CDK2: variants seen among roughly 807,000 people sequenced by gnomAD.
CDK2 encodes the protein cyclin-dependent kinase 2.
CDK2 carries 8 observed loss-of-function variants against 35.0 expected under a neutral mutation model. That is an observed-to-expected ratio of 0.23 (90% CI 0.13 to 0.41). The LOEUF is 0.41. Among genes scored for constraint, CDK2 ranks in the 10% least tolerant of loss-of-function variants. The probability of loss-of-function intolerance (pLI) is 1.00; values close to 1 mark genes in which losing one functional copy is unlikely to be tolerated. For synonymous variants in CDK2, 134 were observed against 137.7 expected (o/e 0.97, Z 0.19); for missense variants, 201 against 367.1 (o/e 0.55, Z 3.70).
At position 55,968,056 on chromosome 12, in the gene CDK2, G is replaced by T; in HGVS notation, c.202G>T (p.Asp68Tyr). 1 of 1,614,052 alleles carries T rather than the reference G, an allele frequency of 6.2e-7. No individual in the cohort carries two copies. The highest frequency in any genetic ancestry group is 8.5e-7 in the Non-Finnish European group (1 of 1,180,018). Residue 68 changes from aspartate (D) to tyrosine (Y), a missense_variant, in exon 3 of 7, where the codon GAT (aspartate) becomes TAT (tyrosine). Physicochemically the swap from Asp to Tyr is radical, Grantham distance 160 (BLOSUM62 -3). Coordinates refer to ENST00000266970, the MANE Select transcript of CDK2 (RefSeq NM_001798.5). The stretch of plus-strand genomic sequence containing the variant: ...CAAACTTTCCTTCTCTAGGCTGCTG[G>T]ATGTCATTCACACAGAAAATAAACT... ...LNHPNIVKLL[D>Y]VIHTENKLYL...
At chr12:55,968,725 C>G (rs976800013) in intron 3 of CDK2, 53 bp from the exon 4 acceptor site, 7 of 1,407,224 alleles carry the variant, frequency 5.0e-6, no homozygotes, top group South Asian at 2.9e-5. Flanking sequence ...CAGAGCAAAC[C>G]CAGTCTGCTC....
intron 6 of CDK2, 121 bp from the exon 7 acceptor site, chr12:55,971,400 G>A: frequency 9.2e-7 from 1 of 1,086,026 alleles, no homozygotes; most frequent in Non-Finnish European, 1.4e-6. Context: ...GCTATGGGAG[G>A]ATGGAAGTGA....
At chr12:55,968,568 C>T (rs2069402) in intron 3 of CDK2, among the ~76,000 whole-genome samples, 73 of 152,170 alleles carry the variant, frequency 4.8e-4, no homozygotes, top group African/African-American at 1.6e-3. Context: ...AACATTTTTT[C>T]AATGCACAGG....
chr12:55,967,603 A>G (rs1889361708), intron 1 of CDK2: 1 of 532,620 alleles, frequency 1.9e-6, no homozygotes, highest in Non-Finnish European at 3.4e-6. Context: ...CCCCTCCATT[A>G]CAGTCTCCCT....
chr12:55,970,662 GTC>G (rs1419063734), intron 5 of CDK2: 4 of 702,388 alleles, frequency 5.7e-6, no homozygotes, highest in Admixed American at 2.0e-5. Flanking sequence ...GGAAGACAGA[GTC>G]TCTGCCCGCT....
At chr12:55,970,672 G>A (rs1274023903) in intron 5 of CDK2, 10 of 702,328 alleles carry the variant, frequency 1.4e-5, no homozygotes, top group Middle Eastern at 2.3e-4. Flanking sequence ...GTCTCTGCCC[G>A]CTGTGCTCGT....
In CDK2 at chr12:55,971,563, G is replaced by A. The variant is rs1565782261; in HGVS notation, c.835G>A (p.Ala279Thr). Residue 279 changes from alanine to threonine, a missense_variant, in exon 7 of 7, where the codon GCA becomes ACA. Around this residue, in one of 5 missense-constraint regions of CDK2, gnomAD observed 106 missense variants for 141.3 expected, o/e 0.75. Transcript: ENST00000266970. ...YDPNKRISAK[A>T]ALAHPFFQDV... ...CCCTAACAAGCGGATTTCGGCCAAG[G>A]CAGCCCTGGCTCACCCTTTCTTCCA... is the stretch of plus-strand genomic sequence containing the variant. 1.9e-6 allele frequency: 3 copies of A among 1,614,020 alleles called. No homozygotes were observed. The highest frequency in any genetic ancestry group is 1.1e-5 in the South Asian group (1 of 91,086).
At position 55,971,095 on chromosome 12, in the gene CDK2, C is replaced by T. The variant is rs1889461111; in HGVS notation, c.640C>T (p.Arg214Trp). ...PGDSEIDQLF[R>W]IFRTLGTPDE... ...AGATTCTGAGATTGACCAGCTCTTC[C>T]GGATCTTTCGGACTCTGGGGACCCC... The change falls in exon 6 of 7, where the codon CGG becomes TGG. Residue 214 changes from arginine to tryptophan, a missense_variant. By Grantham distance (101) the Arg-to-Trp change is moderately radical. Transcript: ENST00000266970. 2 of 1,614,122 alleles carry T rather than the reference C, an allele frequency of 1.2e-6. No individual in the cohort carries two copies. The highest frequency in any genetic ancestry group is 1.7e-6 in the Non-Finnish European group (2 of 1,180,014).
rs1889406449 is a variant in CDK2, at chr12:55,968,908, C to T, written c.446C>T (p.Ala149Val). ...ATCAAGCTAGCAGACTTTGGACTAG[C>T]CAGAGCTTTTGGAGTCCCTGTTCGT... is the stretch of plus-strand genomic sequence containing the variant. ...GAIKLADFGL[A>V]RAFGVPVRTY... Residue 149 changes from alanine to valine, a missense_variant, in exon 4 of 7, where the codon GCC becomes GTC. By Grantham distance (64) the Ala-to-Val change is moderately conservative (BLOSUM62 0). Coordinates refer to ENST00000266970, the MANE Select transcript of CDK2 (RefSeq NM_001798.5). 6.2e-7 allele frequency: 1 copy of T among 1,606,994 alleles called. No individual in the cohort carries two copies. Among genetic ancestry groups the T allele is most frequent in the Non-Finnish European group, 8.5e-7 (1 of 1,177,130 alleles).
rs774877336 is a variant in CDK2 at position 55,967,001 on chromosome 12, G to C, written c.-8G>C. The C allele has an allele frequency of 1.6e-5, 25 of 1,605,832 alleles. No homozygotes were observed. In the Admixed American group the frequency reaches 2.0e-4, roughly 13 times the overall value. On this transcript the variant is annotated 5_prime_UTR_variant, in exon 1 of 7. Coordinates refer to ENST00000266970, the MANE Select transcript of CDK2 (RefSeq NM_001798.5). ...CAGGGCCGGGCTGACCCGACTCGCT[G>C]GCGCTTCATGGAGAACTTCCAAAAG...
intron 5 of CDK2, 84 bp downstream of exon 5, chr12:55,969,660 A>G: frequency 1.5e-6 from 1 of 677,746 alleles, no homozygotes; most frequent in Non-Finnish European, 2.5e-6. Context: ...CTTGGCCCAG[A>G]CCTATGGCCC....
At position 55,971,718 on chromosome 12, in the gene CDK2, C is replaced by T. The variant is rs1889482072; in HGVS notation, c.*93C>T. The T allele has an allele frequency of 4.5e-6, 4 of 891,110 alleles. No homozygotes were observed. The highest frequency in any genetic ancestry group is 4.9e-5 in the East Asian group (2 of 40,752). 55.2% of individuals were successfully genotyped at this position (891,110 alleles called of 1,614,324 possible). A position where few individuals can be genotyped will look rare whatever the true frequency, so the allele number is the denominator to read the frequency against. ...CTTGGGCTATTTGGACTCAGGTGGG[C>T]CCTCTGAACTTGCCTTAAACACTCA... is the stretch of plus-strand genomic sequence containing the variant. On this transcript the variant is annotated 3_prime_UTR_variant, in exon 7 of 7. Transcript: ENST00000266970.
At position 55,967,143 on chromosome 12, in the gene CDK2, C is replaced by T. The variant is rs1403021674; in HGVS notation, c.116+19C>T. On this transcript the variant is annotated intron_variant, in intron 1 of 6. Transcript: ENST00000266970. ...TGGACACGTGAGTGGCCTCTGTACC[C>T]GGGACTCCTAACTGGGGACCTCCTT... 4 of 1,565,672 alleles carry T rather than the reference C, an allele frequency of 2.6e-6. No homozygotes were observed. The highest frequency in any genetic ancestry group is 1.4e-5 in the African/African-American group (1 of 73,940).
At chr12:55,968,230 AT>A (rs1889386158) in intron 3 of CDK2, 61 bp downstream of exon 3, 1 of 1,592,810 alleles carries the variant, frequency 6.3e-7, no homozygotes, top group South Asian at 1.1e-5. Flanking sequence ...GTGGCAGGCA[AT>A]TCAGGGTGAT....
chr12:55,969,323 G>T, intron 4 of CDK2, 152 bp from the exon 5 acceptor site: 1 of 489,870 alleles, frequency 2.0e-6, no homozygotes, highest in Non-Finnish European at 3.7e-6. Flanking sequence ...CCAGAACTAT[G>T]GACTGGAAAT....
chr12:55,971,433 A>G, intron 6 of CDK2, 88 bp from the exon 7 acceptor site: 2 of 1,162,902 alleles, frequency 1.7e-6, no homozygotes, highest in Non-Finnish European at 2.6e-6. Context: ...GGGTAGAAGG[A>G]GTTCTGGTTT....
intron 4 of CDK2, 49 bp from the exon 5 acceptor site, chr12:55,969,426 T>C: frequency 9.9e-7 from 1 of 1,012,386 alleles, no homozygotes; most frequent in Non-Finnish European, 1.5e-6. Flanking sequence ...GATGCGGGAA[T>C]TTCCATACCC....
chr12:55,969,343 G>A, intron 4 of CDK2, 132 bp from the exon 5 acceptor site: 1 of 496,226 alleles, frequency 2.0e-6, no homozygotes, highest in Non-Finnish European at 3.7e-6. Context: ...TCAGTGGGAG[G>A]GGAAAGATGA....
chr12:55,969,049 G>T, intron 4 of CDK2, 101 bp downstream of exon 4: 1 of 890,100 alleles, frequency 1.1e-6, no homozygotes, highest in Non-Finnish European at 1.7e-6. Context: ...TTCTTACTAG[G>T]TAGAAATAAT....
Sources: allele counts gnomAD v4.1 joint callset (sites outside exome capture counted in the v4.1 genomes callset), GRCh38; gene constraint gnomAD v4.1.1; regional missense constraint gnomAD v4.1.1; transcripts MANE v1.5; gene names NCBI Gene and HGNC (gene_info 2026-07-23, HGNC 2026-07-21).